TMEM123: variants seen among roughly 807,000 people sequenced by gnomAD.
TMEM123 encodes porimin.
A neutral mutation model predicts 19.7 loss-of-function variants in TMEM123; 16 were observed. The observed-to-expected ratio is 0.81, with a 90% CI of 0.55 to 1.23. TMEM123 has a LOEUF of 1.23. Ranked by LOEUF, TMEM123 falls within the 50% of genes most tolerant of loss-of-function variation. TMEM123 has a pLI of 0.00. For missense variants in TMEM123, 313 were observed against 257.8 expected (o/e 1.21, Z -1.47); for synonymous variants, 118 against 99.4 (o/e 1.19, Z -1.12).
At chr11:102,433,847 T>G (rs570501033) in intron 2 of TMEM123, among the ~76,000 whole-genome samples, 14 of 151,932 alleles carry the variant, frequency 9.2e-5, no homozygotes, top group Admixed American at 2.6e-4. Context: ...GCATTTCCCC[T>G]GCTGGCACTC....
At chr11:102,406,623 C>G (rs572441725) in intron 2 of TMEM123, among the ~76,000 whole-genome samples, 3 of 152,190 alleles carry the variant, frequency 2.0e-5, no homozygotes, top group African/African-American at 7.2e-5. Context: ...CACCTGTAAT[C>G]CCGGCACTTT....
In TMEM123 at chr11:102,396,731, G is replaced by C. The variant is rs1191267987; in HGVS notation, c.*2136C>G. The C allele has an allele frequency of 6.6e-6, 1 of 152,010 alleles. No individual in the cohort carries two copies. Among genetic ancestry groups the C allele is most frequent in the Non-Finnish European group, 1.5e-5 (1 of 68,012 alleles). The allele number at this position is 152,010 out of a possible 1,614,324, so 9.4% of individuals were successfully genotyped here. A position where few individuals can be genotyped will look rare whatever the true frequency, so the allele number is the denominator to read the frequency against. On this transcript the variant is annotated 3_prime_UTR_variant, in exon 5 of 5. Coordinates refer to ENST00000398136, the MANE Select transcript of TMEM123 (RefSeq NM_052932.3). ...CAAAAAAACCTACATTCAAAGTACGGGTATTTGAAAGTAACAAATTATACT... is the reference window on the plus strand; with the variant it reads ...CAAAAAAACCTACATTCAAAGTACGCGTATTTGAAAGTAACAAATTATACT...
intron 4 of TMEM123, among the ~76,000 whole-genome samples, chr11:102,400,169 G>A (rs1951899840): frequency 1.3e-5 from 2 of 152,178 alleles, no homozygotes; most frequent in South Asian, 4.1e-4. Context: ...CATATGTAGT[G>A]TCAAAACTGG....
chr11:102,437,963 C>G (rs1857782026), intron 2 of TMEM123, among the ~76,000 whole-genome samples: 1 of 152,194 alleles, frequency 6.6e-6, no homozygotes, highest in Admixed American at 6.5e-5. Flanking sequence ...GAGGGCTTCC[C>G]TGACCAACCA....
chr11:102,401,491 T>G (rs1355339232), intron 4 of TMEM123, 48 bp downstream of exon 4: 1 of 1,490,706 alleles, frequency 6.7e-7, no homozygotes, highest in East Asian at 2.4e-5. Context: ...TAATTAAAGA[T>G]GTGCACCAAC....
At chr11:102,426,080 C>A (rs772119550) in intron 2 of TMEM123, among the ~76,000 whole-genome samples, 2 of 152,200 alleles carry the variant, frequency 1.3e-5, no homozygotes, top group Non-Finnish European at 2.9e-5. Flanking sequence ...GTGCCCAACA[C>A]ATAGAATGTA....
At chr11:102,415,468 G>T (rs765003031) in intron 2 of TMEM123, among the ~76,000 whole-genome samples, 1 of 152,060 alleles carries the variant, frequency 6.6e-6, no homozygotes, top group Non-Finnish European at 1.5e-5. Flanking sequence ...AACAAATTAC[G>T]ATTCTCAAAA....
chr11:102,450,114 C>G (rs1414685054), intron 1 of TMEM123, among the ~76,000 whole-genome samples: 1 of 152,190 alleles, frequency 6.6e-6, no homozygotes, highest in Non-Finnish European at 1.5e-5. Flanking sequence ...TCCCAACCCC[C>G]CATAGATCTA....
intron 2 of TMEM123, among the ~76,000 whole-genome samples, chr11:102,413,100 A>G (rs1187278762): frequency 6.6e-6 from 1 of 152,230 alleles, no homozygotes; most frequent in Non-Finnish European, 1.5e-5. Context: ...TATTGGAAAG[A>G]AAGGTAAAAT....
At chr11:102,404,997 T>A (rs1219966727) in intron 2 of TMEM123, among the ~76,000 whole-genome samples, 1 of 152,154 alleles carries the variant, frequency 6.6e-6, no homozygotes, top group Non-Finnish European at 1.5e-5. Flanking sequence ...TTCTACTACT[T>A]TCTTCAACTT....
At chr11:102,399,871 G>T (rs2135840025) in intron 4 of TMEM123, among the ~76,000 whole-genome samples, 1 of 152,108 alleles carries the variant, frequency 6.6e-6, no homozygotes, top group South Asian at 2.1e-4. Context: ...TGGGGAGGCT[G>T]AGGCAGGAGA....
At chr11:102,416,429 C>T (rs1046182428) in intron 2 of TMEM123, among the ~76,000 whole-genome samples, 2 of 152,028 alleles carry the variant, frequency 1.3e-5, no homozygotes, top group African/African-American at 2.4e-5. Flanking sequence ...GATAAATTCT[C>T]AGAAACACAC....
intron 1 of TMEM123, among the ~76,000 whole-genome samples, chr11:102,451,669 A>T (rs2135869422): frequency 6.6e-6 from 1 of 152,368 alleles, no homozygotes; most frequent in African/African-American, 2.4e-5. Flanking sequence ...GGAAAACAGT[A>T]TTTACACAAC....
At chr11:102,414,030 TAG>T (rs1952025547) in intron 2 of TMEM123, among the ~76,000 whole-genome samples, 1 of 152,136 alleles carries the variant, frequency 6.6e-6, no homozygotes, top group African/African-American at 2.4e-5. Flanking sequence ...ACTGATTTGA[TAG>T]AGTTGAAAAA....
intron 2 of TMEM123, among the ~76,000 whole-genome samples, chr11:102,425,199 CTCT>C (rs1952116465): frequency 6.6e-6 from 1 of 152,170 alleles, no homozygotes; most frequent in African/African-American, 2.4e-5. Flanking sequence ...TTCTGTGTAG[CTCT>C]TTTTTCATCT....
intron 2 of TMEM123, among the ~76,000 whole-genome samples, chr11:102,436,725 A>AGTGCCCTG (rs1857766507): frequency 6.8e-6 from 1 of 147,488 alleles, no homozygotes; most frequent in African/African-American, 2.4e-5. Context: ...ATGATGGGGT[A>AGTGCCCTG]AGTCATCAAT....
chr11:102,437,895 T>G (rs1857781406), intron 2 of TMEM123, among the ~76,000 whole-genome samples: 1 of 152,092 alleles, frequency 6.6e-6, no homozygotes, highest in Non-Finnish European at 1.5e-5. Flanking sequence ...CCCCTAGCAT[T>G]TGTAGGGCTG....
At chr11:102,403,687 G>C (rs576473495) in intron 2 of TMEM123, among the ~76,000 whole-genome samples, 1 of 152,106 alleles carries the variant, frequency 6.6e-6, no homozygotes, top group Non-Finnish European at 1.5e-5. Flanking sequence ...CCAATGTGGC[G>C]GTCTTGGGAG....
At chr11:102,452,024 T>C (rs1032168570) in intron 1 of TMEM123, among the ~76,000 whole-genome samples, 2 of 152,202 alleles carry the variant, frequency 1.3e-5, no homozygotes, top group African/African-American at 4.8e-5. Context: ...CAGGGGGACC[T>C]AAAGATTGTA....
Sources: gnomAD v4.1 joint callset for allele counts (sites outside exome capture counted in the v4.1 genomes callset) on GRCh38, gnomAD v4.1.1 for gene constraint, MANE v1.5 for transcripts, NCBI Gene and HGNC (gene_info 2026-07-23, HGNC 2026-07-21) for gene names.